Variants in HSD17B2 observed in about 807,000 individuals in gnomAD.
HSD17B2 encodes the protein 17-beta-hydroxysteroid dehydrogenase type 2.
In HSD17B2, 32 loss-of-function variants were observed where a neutral mutation model predicts 26.9. The ratio of observed to expected loss-of-function variants is 1.19; its 90% CI spans 0.90 to 1.60. The LOEUF (loss-of-function observed/expected upper bound fraction) is 1.60, where lower values mean the gene tolerates loss of function less well. HSD17B2 is among the 40% of genes most tolerant of loss of function. The pLI is 0.00. For missense variants in HSD17B2, 613 were observed against 468.6 expected, an observed-to-expected ratio of 1.31 and a Z score of -2.85; for synonymous variants, 246 against 186.7, an observed-to-expected ratio of 1.32 and a Z score of -2.59.
At chr16:82,047,001 C>A (rs563784081) in intron 1 of HSD17B2, among the ~76,000 whole-genome samples, 1 of 152,320 alleles carries the variant, frequency 6.6e-6, no homozygotes, top group South Asian at 2.1e-4. Flanking sequence ...CTTTTTCAGA[C>A]CTGCTCAGCT....
chr16:82,079,202 C>G (rs1904323641), intron 3 of HSD17B2, among the ~76,000 whole-genome samples: 2 of 152,084 alleles, frequency 1.3e-5, no homozygotes, highest in Non-Finnish European at 2.9e-5. Flanking sequence ...AGAAACAAAG[C>G]TCTGAAATGA....
intron 3 of HSD17B2, among the ~76,000 whole-genome samples, chr16:82,072,774 G>A (rs1213012010): frequency 2.0e-5 from 3 of 152,192 alleles, no homozygotes; most frequent in Non-Finnish European, 2.9e-5. Flanking sequence ...TACAGTACAA[G>A]GCCAGGTGCG....
intron 4 of HSD17B2, chr16:82,096,800 A>C (rs956626423): frequency 1.3e-5 from 2 of 152,150 alleles, no homozygotes; most frequent in Admixed American, 1.3e-4. Flanking sequence ...TGCTGAAAGG[A>C]GAATCAACAC....
intron 3 of HSD17B2, among the ~76,000 whole-genome samples, chr16:82,084,376 G>A (rs955973606): frequency 4.0e-5 from 6 of 151,804 alleles, no homozygotes; most frequent in East Asian, 1.9e-4. Context: ...CATGATCTTT[G>A]GGGTGCAAAA....
At chr16:82,057,476 C>A (rs1357681933) in intron 1 of HSD17B2, among the ~76,000 whole-genome samples, 7 of 152,170 alleles carry the variant, frequency 4.6e-5, no homozygotes, top group Admixed American at 3.9e-4. Context: ...GGATTACAGG[C>A]GTGAGCCACC....
chr16:82,075,707 G>C (rs1904297503), intron 3 of HSD17B2, among the ~76,000 whole-genome samples: 1 of 152,062 alleles, frequency 6.6e-6, no homozygotes, highest in Non-Finnish European at 1.5e-5. Context: ...CAAGTAACGA[G>C]TTCGAAGCAG....
At chr16:82,082,285 T>C (rs779221071) in intron 3 of HSD17B2, among the ~76,000 whole-genome samples, 1 of 152,114 alleles carries the variant, frequency 6.6e-6, no homozygotes, top group Non-Finnish European at 1.5e-5. Flanking sequence ...AGAAGTTCCA[T>C]GTGCCTCTCA....
chr16:82,071,237 C>A, intron 3 of HSD17B2, 110 bp downstream of exon 3: 1 of 995,772 alleles, frequency 1.0e-6, no homozygotes, highest in Non-Finnish European at 1.6e-6. Flanking sequence ...AGGGTTGGGT[C>A]AGGATTAGTC....
At chr16:82,068,090 C>A (rs547427311) in intron 1 of HSD17B2, 80 bp from the exon 2 acceptor site, 4 of 1,220,138 alleles carry the variant, frequency 3.3e-6, no homozygotes, top group Non-Finnish European at 4.8e-6. Flanking sequence ...TCGTAAACAA[C>A]GTAATATGTT....
At chr16:82,038,236 A>C (rs1336391469) in intron 1 of HSD17B2, among the ~76,000 whole-genome samples, 1 of 152,260 alleles carries the variant, frequency 6.6e-6, no homozygotes, top group East Asian at 1.9e-4. Flanking sequence ...AATTACAGTA[A>C]GAAAAAGTAA....
chr16:82,071,275 C>T, intron 3 of HSD17B2, 148 bp downstream of exon 3: 1 of 742,594 alleles, frequency 1.3e-6, no homozygotes, highest in Non-Finnish European at 2.4e-6. Context: ...TTGGTCTTAT[C>T]ACAATAAAAC....
At chr16:82,081,571 G>A (rs1028645516) in intron 3 of HSD17B2, among the ~76,000 whole-genome samples, 16 of 152,122 alleles carry the variant, frequency 1.1e-4, no homozygotes, top group African/African-American at 3.9e-4. Flanking sequence ...CCTGTAAAGT[G>A]GAGGCAATAA....
intron 1 of HSD17B2, among the ~76,000 whole-genome samples, chr16:82,046,550 C>T (rs1476124316): frequency 6.6e-6 from 1 of 152,002 alleles, no homozygotes; most frequent in Non-Finnish European, 1.5e-5. Flanking sequence ...TGGTAAAACC[C>T]CATATCTACC....
chr16:82,049,245 C>G (rs1431085091), intron 1 of HSD17B2, among the ~76,000 whole-genome samples: 1 of 152,142 alleles, frequency 6.6e-6, no homozygotes, highest in African/African-American at 2.4e-5. Context: ...CGGGGAGTGA[C>G]AACATGCTAC....
chr16:82,055,438 A>G (rs559085912), intron 1 of HSD17B2, among the ~76,000 whole-genome samples: 4 of 152,178 alleles, frequency 2.6e-5, no homozygotes, highest in Non-Finnish European at 5.9e-5. Flanking sequence ...ATGGTTTTAT[A>G]TGTTGCCGTG....
intron 1 of HSD17B2, among the ~76,000 whole-genome samples, chr16:82,063,862 C>G (rs530555039): frequency 6.6e-6 from 1 of 152,264 alleles, no homozygotes; most frequent in Admixed American, 6.5e-5. Flanking sequence ...TTAACGAACA[C>G]TTTGTTCCGA....
At chr16:82,068,480 C>T in intron 2 of HSD17B2, 98 bp downstream of exon 2, 1 of 994,428 alleles carries the variant, frequency 1.0e-6, no homozygotes, top group Non-Finnish European at 1.5e-6. Flanking sequence ...CCACTCTGGG[C>T]ACTGTTTGCC....
rs1455284169 is a variant in HSD17B2, at chr16:82,035,431, A to C, written c.7A>C (p.Thr3Pro). 1 of 1,610,544 alleles carries C rather than the reference A, an allele frequency of 6.2e-7. No individual in the cohort carries two copies. The highest frequency in any genetic ancestry group is 1.1e-5 in the South Asian group (1 of 90,972). ...GTGCAGCAAGTCACTGAGAATGAGCACTTTCTTCTCGGACACAGCATGGAT... is the reference window on the plus strand; with the variant it reads ...GTGCAGCAAGTCACTGAGAATGAGCCCTTTCTTCTCGGACACAGCATGGAT... MS[T>P]FFSDTAWICL... Residue 3 changes from threonine to proline, a missense_variant, in exon 1 of 5, where the codon ACT becomes CCT. Thr to Pro is a conservative substitution (Grantham distance 38). Transcript: ENST00000199936.
At chr16:82,061,924 G>T (rs940933068) in intron 1 of HSD17B2, among the ~76,000 whole-genome samples, 3 of 152,192 alleles carry the variant, frequency 2.0e-5, no homozygotes, top group African/African-American at 7.2e-5. Flanking sequence ...ATGCATCCCA[G>T]CACTCAGTCC....
Sources: gnomAD v4.1 joint callset for allele counts (sites outside exome capture counted in the v4.1 genomes callset) on GRCh38, gnomAD v4.1.1 for gene constraint, MANE v1.5 for transcripts, NCBI Gene and HGNC (gene_info 2026-07-23, HGNC 2026-07-21) for gene names.